Variants in PHACTR4 observed in about 807,000 individuals in gnomAD.
The protein encoded by PHACTR4 is protein phosphatase 1, regulatory subunit 124.
In PHACTR4, 51 loss-of-function variants were observed where a neutral mutation model predicts 72.7. That is an observed-to-expected ratio of 0.70 (90% CI 0.56 to 0.89). The LOEUF is 0.89. Among genes scored for constraint, PHACTR4 ranks in the 40% least tolerant of loss-of-function variants. The pLI is 0.00. For missense variants in PHACTR4, 731 were observed against 861.8 expected, an observed-to-expected ratio of 0.85 and a Z score of 1.90; for synonymous variants, 255 against 302.5, an observed-to-expected ratio of 0.84 and a Z score of 1.63.
intron 2 of PHACTR4, among the ~76,000 whole-genome samples, chr1:28,421,380 C>G (rs183326570): frequency 6.6e-6 from 1 of 151,068 alleles, no homozygotes; most frequent in African/African-American, 2.4e-5. Context: ...GTTGAAGATT[C>G]GTGGGTTTTT....
intron 9 of PHACTR4, among the ~76,000 whole-genome samples, chr1:28,485,873 T>C (rs751147707): frequency 1.4e-4 from 21 of 151,844 alleles, no homozygotes; most frequent in Non-Finnish European, 2.6e-4. Context: ...CACTCCAGCC[T>C]GGGCAACAGA....
chr1:28,455,779 A>G (rs187855845), intron 2 of PHACTR4, among the ~76,000 whole-genome samples: 22 of 152,294 alleles, frequency 1.4e-4, no homozygotes, highest in African/African-American at 4.8e-4. Context: ...CCTGGAGAGT[A>G]GGAAAAAGAG....
intron 9 of PHACTR4, among the ~76,000 whole-genome samples, chr1:28,484,979 A>T (rs1159820662): frequency 1.3e-5 from 2 of 151,238 alleles, no homozygotes; most frequent in Non-Finnish European, 2.9e-5. Context: ...TCAAAAGAAA[A>T]TATAGTTTAT....
chr1:28,393,429 T>C (rs1653217369), intron 1 of PHACTR4, among the ~76,000 whole-genome samples: 1 of 152,152 alleles, frequency 6.6e-6, no homozygotes, highest in Admixed American at 6.6e-5. Flanking sequence ...ACTGCACAAA[T>C]GATGGTGGTC....
chr1:28,459,058 C>T, intron 2 of PHACTR4, 27 bp from the exon 3 acceptor site: 1 of 1,566,738 alleles, frequency 6.4e-7, no homozygotes, highest in Admixed American at 1.9e-5. Flanking sequence ...CATTTGCTTC[C>T]TTCCCTCTCT....
intron 2 of PHACTR4, among the ~76,000 whole-genome samples, chr1:28,458,107 T>TG (rs1491351411): frequency 8.7e-5 from 9 of 103,210 alleles, no homozygotes; most frequent in East Asian, 2.2e-4. Flanking sequence ...GGTGTGTGTG[T>TG]TTGTGTGTGT....
rs180972956 is a variant in PHACTR4, at chr1:28,450,776, C to T, written c.17-8309C>T. Among the ~76,000 whole-genome samples the T allele has an allele frequency of 4.0e-3, 608 of 151,386 alleles. 2 individuals are homozygous for T. The highest frequency in any genetic ancestry group is 6.8e-3 in the Non-Finnish European group (465 of 67,892). ...CTGGGACTGCAGGTGCATGCCACCA[C>T]GCCCAGCCAATTGTTGTGTGTGTGT... On this transcript the variant is annotated intron_variant, in intron 2 of 13. Transcript: ENST00000373839.
chr1:28,398,515 C>A (rs535725247), intron 1 of PHACTR4, among the ~76,000 whole-genome samples: 10 of 150,290 alleles, frequency 6.7e-5, no homozygotes, highest in Non-Finnish European at 8.9e-5. Context: ...AGTAGACAGA[C>A]CCTGTCTCAA....
At chr1:28,426,126 C>T (rs1040126165) in intron 2 of PHACTR4, among the ~76,000 whole-genome samples, 3 of 151,804 alleles carry the variant, frequency 2.0e-5, no homozygotes, top group African/African-American at 2.4e-5. Flanking sequence ...GAGGCTGAGG[C>T]GGGAGAATCG....
intron 1 of PHACTR4, among the ~76,000 whole-genome samples, chr1:28,386,707 G>T (rs983043787): frequency 2.0e-5 from 3 of 151,896 alleles, no homozygotes; most frequent in African/African-American, 4.8e-5. Context: ...ATTTGTGAGG[G>T]CATTTTGAAC....
chr1:28,380,031 CTG>C (rs922578178), intron 1 of PHACTR4, among the ~76,000 whole-genome samples: 1 of 127,024 alleles, frequency 7.9e-6, no homozygotes, highest in Non-Finnish European at 1.7e-5. Context: ...AAATGTTATT[CTG>C]TGTTTTTTTA....
chr1:28,378,143 G>C (rs1651837198), intron 1 of PHACTR4, among the ~76,000 whole-genome samples: 1 of 147,128 alleles, frequency 6.8e-6, no homozygotes, highest in Non-Finnish European at 1.5e-5. Flanking sequence ...CTTGCAGTGA[G>C]CCAAGATTGT....
intron 1 of PHACTR4, among the ~76,000 whole-genome samples, chr1:28,374,273 C>T (rs1651473347): frequency 6.6e-6 from 1 of 152,182 alleles, no homozygotes; most frequent in Admixed American, 6.6e-5. Flanking sequence ...GCTTTGGCTG[C>T]TGAAACTAAC....
rs781557849 is a variant in PHACTR4 at position 28,491,865 on chromosome 1, A to G, written c.2016+78A>G. On this transcript the variant is annotated intron_variant, in intron 12 of 13. Transcript: ENST00000373839. ...TTGGAGGATCCAAGATACTAACTAG[A>G]AGGGAGAACCATAAACAAAACTTCT... The G allele has an allele frequency of 4.5e-5, 66 of 1,482,082 alleles. 1 individual carries two copies. The Middle Eastern group carries it at 3.9e-3, about 89-fold the overall frequency. 91.8% of individuals were successfully genotyped at this position (1,482,082 alleles called of 1,614,324 possible).
intron 2 of PHACTR4, among the ~76,000 whole-genome samples, chr1:28,427,650 C>T (rs1655958641): frequency 6.6e-6 from 1 of 152,176 alleles, no homozygotes; most frequent in Non-Finnish European, 1.5e-5. Context: ...GGCCCTTCCG[C>T]TCACCCAGTT....
At chr1:28,492,952 C>A in intron 12 of PHACTR4, 63 bp from the exon 13 acceptor site, 1 of 1,419,116 alleles carries the variant, frequency 7.0e-7, no homozygotes, top group Non-Finnish European at 9.9e-7. Flanking sequence ...AGAAAAATGA[C>A]AAGTTACACT....
intron 1 of PHACTR4, among the ~76,000 whole-genome samples, chr1:28,390,063 G>A (rs1475661257): frequency 6.6e-6 from 1 of 152,120 alleles, no homozygotes; most frequent in African/African-American, 2.4e-5. Context: ...TTGTCATTTG[G>A]GACAACATGG....
chr1:28,422,999 G>C (rs1196879439), intron 2 of PHACTR4, among the ~76,000 whole-genome samples: 1 of 152,218 alleles, frequency 6.6e-6, no homozygotes, highest in Non-Finnish European at 1.5e-5. Flanking sequence ...ATGTTGACCA[G>C]GCTGGTCTCA....
intron 2 of PHACTR4, among the ~76,000 whole-genome samples, chr1:28,431,932 C>T (rs1392444581): frequency 5.9e-5 from 9 of 152,126 alleles, no homozygotes; most frequent in African/African-American, 1.2e-4. Flanking sequence ...ATATCTTGGC[C>T]GGGCACAGTG....
Sources: allele counts gnomAD v4.1 joint callset (sites outside exome capture counted in the v4.1 genomes callset), GRCh38; gene constraint gnomAD v4.1.1; transcripts MANE v1.5; gene names NCBI Gene and HGNC (gene_info 2026-07-23, HGNC 2026-07-21).